Variants in DBNDD1 observed in about 807,000 individuals in gnomAD.
The protein encoded by DBNDD1 is dysbindin domain-containing protein 1.
DBNDD1 carries 14 observed loss-of-function variants against 17.0 expected under a neutral mutation model. That is an observed-to-expected ratio of 0.82 (90% confidence interval 0.54 to 1.29). DBNDD1 has a LOEUF of 1.29. Among genes scored for constraint, DBNDD1 ranks in the 50% most tolerant of loss-of-function variants. The probability of loss-of-function intolerance (pLI) is 0.00; values close to 1 mark genes in which losing one functional copy is unlikely to be tolerated. For synonymous variants in DBNDD1, 105 were observed against 102.0 expected, an observed-to-expected ratio of 1.03 and a Z score of -0.18; for missense variants, 221 against 216.2, an observed-to-expected ratio of 1.02 and a Z score of -0.14.
At chr16:90,010,190 C>A in intron 1 of DBNDD1, 2 of 675,750 alleles carry the variant, frequency 3.0e-6, no homozygotes, top group Non-Finnish European at 4.9e-6. Context: ...GGATTACAGG[C>A]ATGCACCAGC....
intron 3 of DBNDD1, among the ~76,000 whole-genome samples, 176 bp downstream of exon 3, chr16:90,008,608 G>A (rs1337306363): frequency 4.3e-5 from 4 of 93,262 alleles, no homozygotes; most frequent in African/African-American, 1.2e-4. Context: ...GACTTCCCAA[G>A]GGGCCTCAGC....
intron 1 of DBNDD1, chr16:90,011,689 A>G: frequency 2.2e-6 from 1 of 455,250 alleles, no homozygotes; most frequent in East Asian, 7.0e-5. Context: ...CCACCTTTCC[A>G]CTGGCATCTG....
At chr16:90,013,504 T>A (rs999055143) in intron 1 of DBNDD1, among the ~76,000 whole-genome samples, 6 of 152,118 alleles carry the variant, frequency 3.9e-5, no homozygotes, top group Non-Finnish European at 8.8e-5. Context: ...CCTGTCAGCC[T>A]GTTCCTGATC....
At chr16:90,019,632 C>T (rs1466742867), upstream of DBNDD1, 1 of 416,080 alleles carries the variant, frequency 2.4e-6, no homozygotes, top group Non-Finnish European at 4.2e-6. This position sits in a 1 kb window ranked among gnomAD's most constrained non-coding sequence, Gnocchi z 6.1. Context: ...CCCCGCCGAC[C>T]CTTCCCTCGC....
intron 1 of DBNDD1, 45 bp from the exon 2 acceptor site, chr16:90,009,475 C>T (rs2035510400): frequency 1.2e-6 from 2 of 1,600,610 alleles, no homozygotes; most frequent in Non-Finnish European, 1.7e-6. Flanking sequence ...ACAGGGCTCC[C>T]ACATCCCCCC....
chr16:90,009,971 A>C (rs1211676998), intron 1 of DBNDD1: 1 of 1,614,110 alleles, frequency 6.2e-7, no homozygotes, highest in South Asian at 1.1e-5. Flanking sequence ...AGGAATAGGC[A>C]GGCCTGCCAT....
chr16:90,007,114 G>C (rs996085949), intron 3 of DBNDD1: 2 of 153,740 alleles, frequency 1.3e-5, no homozygotes, highest in African/African-American at 4.8e-5. Flanking sequence ...CCAACATGGA[G>C]CTGGTGGGAA....
At chr16:90,018,348 G>A (rs977907276) in intron 1 of DBNDD1, among the ~76,000 whole-genome samples, 1 of 152,254 alleles carries the variant, frequency 6.6e-6, no homozygotes, top group African/African-American at 2.4e-5. Context: ...TACACAGGGT[G>A]GGTGGACCTG....
upstream of DBNDD1, chr16:90,019,841 C>G (rs772097299): frequency 5.1e-5 from 35 of 687,994 alleles, 2 homozygotes; most frequent in Non-Finnish European, 8.2e-5. The surrounding 1 kb of genome is among the most constrained non-coding windows in gnomAD (Gnocchi z 6.1). Flanking sequence ...AGGGGCCTGA[C>G]TCGCGCTGGG....
intron 1 of DBNDD1, among the ~76,000 whole-genome samples, chr16:90,010,801 G>A (rs141524535): frequency 1.3e-5 from 2 of 152,276 alleles, no homozygotes; most frequent in Non-Finnish European, 2.9e-5. Context: ...CCGTCCTAGC[G>A]GCCACCTCAC....
Position 90,006,263 on chromosome 16 carries a change from G to A in DBNDD1, c.*72C>T. ...GTGGGCGGGTGAAGTGTGTCTGCTGGGTCAGCACTGCCCAGATCTGCCATC... is the reference window on the plus strand; with the variant it reads ...GTGGGCGGGTGAAGTGTGTCTGCTGAGTCAGCACTGCCCAGATCTGCCATC... On this transcript the variant is annotated 3_prime_UTR_variant, in exon 4 of 4. Coordinates refer to ENST00000002501, the MANE Select transcript of DBNDD1 (RefSeq NM_001042610.3). 1 of 1,514,830 alleles carries A rather than the reference G, an allele frequency of 6.6e-7. No individual in the cohort carries two copies. 93.8% of individuals were successfully genotyped at this position (1,514,830 alleles called of 1,614,324 possible).
rs540829241 is a variant in DBNDD1 at position 90,005,490 on chromosome 16, G to A, written c.*845C>T. ...CCTGCCCAGCAAGTTTAAGGGCCGT[G>A]GGCAGGCCTTGTAGCCGGGCAATGG... On this transcript the variant is annotated 3_prime_UTR_variant, in exon 4 of 4. Coordinates refer to ENST00000002501, the MANE Select transcript of DBNDD1 (RefSeq NM_001042610.3). 6.6e-6 allele frequency: 1 copy of A among 152,388 alleles called. No homozygotes were observed. The highest frequency in any genetic ancestry group is 2.1e-4 in the South Asian group (1 of 4,834). The allele number at this position is 152,388 out of a possible 1,614,324, so 9.4% of individuals were successfully genotyped here.
At chr16:90,013,930 C>CGGGGGGATGGGGGGGGGGGG (rs2035597211) in intron 1 of DBNDD1, among the ~76,000 whole-genome samples, 1 of 107,876 alleles carries the variant, frequency 9.3e-6, no homozygotes, top group African/African-American at 4.4e-5. Context: ...CTGGGTGGGG[C>CGGGGGGATGGGGGGGGGGGG]GGGGGGGGAC....
intron 1 of DBNDD1, among the ~76,000 whole-genome samples, chr16:90,013,261 TTAAAAAAA>T (rs1465929302): frequency 0.01 from 47 of 4,494 alleles, 2 homozygotes; most frequent in Non-Finnish European, 9.7e-4. Flanking sequence ...AAACCTTGCC[TTAAAAAAA>T]AAAAAAAAAA....
rs1300079292 is a variant in DBNDD1 at position 90,019,250 on chromosome 16, GGCTGCGGCTCGCTGCGGGGAAGC to G, written c.31+38_31+60del. ...GCGAAGGGTGAGCCCTGGGGGGAGG[GGCTGCGGCTCGCTGCGGGGAAGC>G]GCTGCGCGGGGGTCTCGGGGGCTGG... On this transcript the variant is annotated intron_variant, in intron 1 of 3. Transcript: ENST00000002501. The surrounding 1 kb of genome is among the most constrained non-coding windows in gnomAD (Gnocchi z 6.1). The G allele has an allele frequency of 9.9e-5, 90 of 911,968 alleles. No individual in the cohort carries two copies. Among genetic ancestry groups the G allele is most frequent in the Non-Finnish European group, 1.2e-4 (87 of 699,792 alleles). 56.5% of individuals were successfully genotyped at this position (911,968 alleles called of 1,614,324 possible).
chr16:90,009,008 G>A (rs923736854), intron 2 of DBNDD1, 84 bp from the exon 3 acceptor site: 3 of 1,437,580 alleles, frequency 2.1e-6, no homozygotes, highest in South Asian at 1.4e-5. Flanking sequence ...AGAGTGTGCT[G>A]TGTCCTCCCA....
At chr16:90,011,845 C>A in intron 1 of DBNDD1, 1 of 328,240 alleles carries the variant, frequency 3.0e-6, no homozygotes. Context: ...AGCAGGGGGA[C>A]CTCCCGGACA....
chr16:90,015,450 A>G (rs145226884), intron 1 of DBNDD1, among the ~76,000 whole-genome samples: 2 of 152,342 alleles, frequency 1.3e-5, no homozygotes, highest in Non-Finnish European at 2.9e-5. Context: ...GGTCAACAGT[A>G]GGCTATTAGC....
intron 1 of DBNDD1, 198 bp from the exon 2 acceptor site, chr16:90,009,628 C>G: frequency 2.6e-6 from 2 of 773,914 alleles, no homozygotes; most frequent in Non-Finnish European, 4.0e-6. Context: ...GGAGGCTGCT[C>G]CTTCCCCTTG....
Sources: allele counts gnomAD v4.1 joint callset (sites outside exome capture counted in the v4.1 genomes callset), GRCh38; gene constraint gnomAD v4.1.1; non-coding constraint Gnocchi (gnomAD v3.1); transcripts MANE v1.5; gene names NCBI Gene and HGNC (gene_info 2026-07-23, HGNC 2026-07-21).